The following KCNH4 variants were observed in gnomAD, a reference collection of about 807,000 sequenced individuals.
KCNH4 encodes the protein potassium voltage-gated channel subfamily H member 4, also known as voltage-gated delayed rectifier potassium channel KCNH4.
Under a neutral mutation model 90.7 loss-of-function variants are expected in KCNH4, and 33 were observed. That is an observed-to-expected ratio of 0.36 (90% CI 0.28 to 0.49). The LOEUF (loss-of-function observed/expected upper bound fraction) is 0.49. Ranked by LOEUF, KCNH4 falls within the 20% of genes least tolerant of loss-of-function variation. The pLI is 0.98. For synonymous variants in KCNH4, 551 were observed against 581.7 expected (o/e 0.95, Z 0.76); for missense variants, 1,044 against 1,387.1 (o/e 0.75, Z 3.93).
intron 1 of KCNH4, among the ~76,000 whole-genome samples, chr17:42,179,370 C>T (rs1488740442): frequency 2.6e-5 from 4 of 152,232 alleles, no homozygotes; most frequent in African/African-American, 9.6e-5. Flanking sequence ...CAACCCTCCA[C>T]TGCCACTTAC....
In KCNH4 at chr17:42,180,859, G is replaced by A; in HGVS notation, c.76+11C>T. Reference sequence around the variant, plus strand: ...GCTCGAACCTCAAGCCCCGACCTCCGTCCCACTCACGCGTTCCGTCAAAAC... The same window carrying A: ...GCTCGAACCTCAAGCCCCGACCTCCATCCCACTCACGCGTTCCGTCAAAAC... On this transcript the variant is annotated intron_variant, in intron 1 of 16. Transcript: ENST00000264661. The surrounding 1 kb of genome is among the most constrained non-coding windows in gnomAD (Gnocchi z 4.7). 6.2e-7 allele frequency: 1 copy of A among 1,613,446 alleles called. No individual in the cohort carries two copies. Among genetic ancestry groups the A allele is most frequent in the Non-Finnish European group, 8.5e-7 (1 of 1,179,608 alleles).
In KCNH4 at chr17:42,169,527, C is replaced by T. The variant is rs1313299916; in HGVS notation, c.1540G>A (p.Glu514Lys). 2.5e-6 allele frequency: 4 copies of T among 1,613,404 alleles called. No homozygotes were observed. Among genetic ancestry groups the T allele is most frequent in the African/African-American group, 1.3e-5 (1 of 75,068 alleles). ...ACGGCCCACGTGGTCTGGAAGTATTCGAGCATGCGCTGCTTGAGCGGCCGC... is the reference window on the plus strand; with the variant it reads ...ACGGCCCACGTGGTCTGGAAGTATTTGAGCATGCGCTGCTTGAGCGGCCGC... ...LPRPLKQRML[E>K]YFQTTWAVNS... The change falls in exon 9 of 17, where the codon GAA becomes AAA. Residue 514 changes from glutamate (E) to lysine (K), a missense_variant. By Grantham distance (56) the Glu-to-Lys change is moderately conservative. Transcript: ENST00000264661.
At chr17:42,169,234 C>G (rs1255981174) in intron 9 of KCNH4, among the ~76,000 whole-genome samples, 1 of 151,982 alleles carries the variant, frequency 6.6e-6, no homozygotes, top group Non-Finnish European at 1.5e-5. Context: ...CGTGCACCAC[C>G]ACAGCTGGCT....
intron 11 of KCNH4, 27 bp downstream of exon 11, chr17:42,165,422 G>A (rs562415310): frequency 6.2e-7 from 1 of 1,610,640 alleles, no homozygotes; most frequent in East Asian, 2.2e-5. Context: ...ACTCTGGAAG[G>A]ATGGCGGTCA....
chr17:42,176,317 G>A lies in KCNH4; in HGVS notation c.586-20C>T, dbSNP rs757793143. 22 of 1,602,140 alleles carry A rather than the reference G, an allele frequency of 1.4e-5. No individual in the cohort carries two copies. Among genetic ancestry groups the A allele is most frequent in the Non-Finnish European group, 1.8e-5 (21 of 1,173,060 alleles). ...CACGTTCTAAGGGGAGAGGGGTGGC[G>A]GTTGGGGACACTTGAGGGAAAGAGG... is the stretch of plus-strand genomic sequence containing the variant. On this transcript the variant is annotated intron_variant, in intron 4 of 16. Coordinates refer to ENST00000264661, the MANE Select transcript of KCNH4 (RefSeq NM_012285.3).
chr17:42,170,426 A>G, intron 7 of KCNH4, 125 bp from the exon 8 acceptor site: 1 of 804,964 alleles, frequency 1.2e-6, no homozygotes, highest in Admixed American at 3.1e-5. Context: ...AAATGTGGGG[A>G]GTGGCCTGGG....
At chr17:42,171,589 T>C (rs547158791) in intron 7 of KCNH4, among the ~76,000 whole-genome samples, 199 bp downstream of exon 7, 2 of 152,038 alleles carry the variant, frequency 1.3e-5, no homozygotes, top group East Asian at 1.9e-4. Context: ...AGGCTGTGAG[T>C]TCCCCCCAAC....
intron 9 of KCNH4, among the ~76,000 whole-genome samples, chr17:42,168,760 T>TTTTTTATTTTTA (rs879696086): frequency 1.5e-4 from 15 of 97,546 alleles, no homozygotes; most frequent in African/African-American, 1.0e-3. Context: ...ATTTATTTAT[T>TTTTTTATTTTTA]TTTTTATTTT....
intron 9 of KCNH4, among the ~76,000 whole-genome samples, chr17:42,167,979 T>C (rs927022762): frequency 2.0e-5 from 3 of 152,190 alleles, no homozygotes; most frequent in Non-Finnish European, 4.4e-5. Context: ...TGCGGGCTTA[T>C]TGAGCCGCTT....
At chr17:42,172,666 T>A (rs1388808827) in intron 6 of KCNH4, among the ~76,000 whole-genome samples, 3 of 151,358 alleles carry the variant, frequency 2.0e-5, no homozygotes, top group African/African-American at 7.3e-5. Context: ...TTGTTCAAGG[T>A]CACAGACCAA....
intron 9 of KCNH4, among the ~76,000 whole-genome samples, chr17:42,169,181 G>C (rs1191942658): frequency 6.6e-6 from 1 of 152,190 alleles, no homozygotes; most frequent in Non-Finnish European, 1.5e-5. Context: ...CCTGGTTCAA[G>C]TGATTCTCGT....
intron 15 of KCNH4, among the ~76,000 whole-genome samples, chr17:42,160,920 C>CTTTTTTTTTTTT (rs57677761): frequency 2.6e-3 from 189 of 73,316 alleles, no homozygotes; most frequent in Non-Finnish European, 3.5e-3. Flanking sequence ...TTTTCTTTTT[C>CTTTTTTTTTTTT]TTTTTTTTTT....
At chr17:42,178,305 C>A in intron 3 of KCNH4, 26 bp downstream of exon 3, 2 of 1,614,144 alleles carry the variant, frequency 1.2e-6, no homozygotes, top group Non-Finnish European at 1.7e-6. Context: ...TGACCATTCA[C>A]ACTGCCCGTC....
chr17:42,163,113 CT>C lies in KCNH4; in HGVS notation c.2584+114del. The C allele has an allele frequency of 1.3e-6, 1 of 749,308 alleles. No individual in the cohort carries two copies. The highest frequency in any genetic ancestry group is 1.7e-5 in the African/African-American group (1 of 58,388). 46.4% of individuals were successfully genotyped at this position (749,308 alleles called of 1,614,324 possible). A position where few individuals can be genotyped will look rare whatever the true frequency, so the allele number is the denominator to read the frequency against. ...AGAGCGTGGGCCAGGTCTGTTTTAT[CT>C]GTGTATTCCCAGGATGGCACCTGGC... is the stretch of plus-strand genomic sequence containing the variant. On this transcript the variant is annotated intron_variant, in intron 14 of 16. Coordinates refer to ENST00000264661, the MANE Select transcript of KCNH4 (RefSeq NM_012285.3). The surrounding 1 kb of genome is among the most constrained non-coding windows in gnomAD (Gnocchi z 5.4).
rs543702351 is a variant in KCNH4, at chr17:42,161,590, C to T, written c.2658+658G>A. Among the ~76,000 whole-genome samples, 7 of 152,336 alleles carry T rather than the reference C, an allele frequency of 4.6e-5. No individual in the cohort carries two copies. In the East Asian group the frequency reaches 1.4e-3, roughly 29 times the overall value. On this transcript the variant is annotated intron_variant, in intron 15 of 16. Transcript: ENST00000264661. ...GCCTCTCAGCCTCCCTGTCCCCTGC[C>T]CCTGCATCTGCTTAGCACTCATTAC...
Position 42,170,073 on chromosome 17 carries a change from G to A in KCNH4, c.1390+34C>T, listed in dbSNP as rs772721398. The A allele has an allele frequency of 1.9e-6, 3 of 1,547,828 alleles. No homozygotes were observed. The African/African-American group carries it at 4.1e-5, about 21-fold the overall frequency. On this transcript the variant is annotated intron_variant, in intron 8 of 16. Transcript: ENST00000264661. ...TTCCCCGTGCATGCTGGGCTTCGCA[G>A]GGCCCCACTGAGGCGTGGCAGGTCT... is the stretch of plus-strand genomic sequence containing the variant.
intron 7 of KCNH4, 92 bp from the exon 8 acceptor site, chr17:42,170,393 AT>A: frequency 9.3e-7 from 1 of 1,073,200 alleles, no homozygotes; most frequent in Non-Finnish European, 1.3e-6. Context: ...TTCGGCAAGT[AT>A]TTATACACAG....
In KCNH4 at chr17:42,164,221, C is replaced by T. The variant is rs1037133697; in HGVS notation, c.2086-53G>A. 1.5e-5 allele frequency: 22 copies of T among 1,471,812 alleles called. 2 individuals are homozygous for T. In the Admixed American group the frequency reaches 2.0e-4, roughly 14 times the overall value. The allele number at this position is 1,471,812 out of a possible 1,614,324, so 91.2% of individuals were successfully genotyped here. On this transcript the variant is annotated intron_variant, in intron 11 of 16. Transcript: ENST00000264661. ...GATTCCTGCCTTCCCGCGGCCATAG[C>T]GCAGACCCTCCCTGTCCCACCCAAC...
At chr17:42,165,401 T>A (rs1486668524) in intron 11 of KCNH4, 48 bp downstream of exon 11, 2 of 1,604,234 alleles carry the variant, frequency 1.2e-6, no homozygotes, top group Admixed American at 1.7e-5. Context: ...AGGTCTGCTT[T>A]GGAGGAAGGG....
Sources: gnomAD v4.1 joint callset for allele counts (sites outside exome capture counted in the v4.1 genomes callset) on GRCh38, gnomAD v4.1.1 for gene constraint, Gnocchi (gnomAD v3.1) non-coding constraint, MANE v1.5 for transcripts, NCBI Gene and HGNC (gene_info 2026-07-23, HGNC 2026-07-21) for gene names.